Variants in VPS13A observed in about 807,000 individuals in gnomAD.
VPS13A encodes the protein intermembrane lipid transfer protein VPS13A.
Under a neutral mutation model 390.9 loss-of-function variants are expected in VPS13A, and 264 were observed. That is an observed-to-expected ratio of 0.68 (90% CI 0.61 to 0.75). The LOEUF (loss-of-function observed/expected upper bound fraction) is 0.75. VPS13A is among the 30% of genes least tolerant of loss of function. The pLI, the probability that VPS13A is intolerant of heterozygous loss-of-function variation, is 0.00. For missense variants in VPS13A, 3,409 were observed against 3,733.9 expected, an observed-to-expected ratio of 0.91 and a Z score of 2.27; for synonymous variants, 1,231 against 1,227.1, an observed-to-expected ratio of 1.00 and a Z score of -0.07.
chr9:77,227,419 A>G lies in VPS13A; in HGVS notation c.1386A>G (p.Glu462=), dbSNP rs1437513368. The change falls in exon 16 of 72, where the codon GAA becomes GAG. Residue 462 remains glutamate (E), a synonymous_variant. Coordinates refer to ENST00000360280, the MANE Select transcript of VPS13A (RefSeq NM_033305.3). ...TTGAAGAAATGTTGACACCTGAAGA[A>G]AAAGCTTTACTCTATGAAGCAATTG... ...ETLEEMLTPE[E]KALLYEAIGY... The G allele has an allele frequency of 1.9e-6, 3 of 1,613,516 alleles. No individual in the cohort carries two copies. Among genetic ancestry groups the G allele is most frequent in the Middle Eastern group, 1.6e-4 (1 of 6,076 alleles).
In VPS13A at chr9:77,182,542, T is replaced by G. The variant is rs564337406; in HGVS notation, c.100+4738T>G. The stretch of plus-strand genomic sequence containing the variant: ...TTTTAAACAAATGACACTGGGGACT[T>G]GATGCACAGTTGGGTACATTTTAAG... On this transcript the variant is annotated intron_variant, in intron 1 of 71. Coordinates refer to ENST00000360280, the MANE Select transcript of VPS13A (RefSeq NM_033305.3). Among the ~76,000 whole-genome samples the G allele has an allele frequency of 1.9e-3, 284 of 152,312 alleles. 1 individual carries two copies. Among genetic ancestry groups the G allele is most frequent in the African/African-American group, 6.7e-3 (277 of 41,578 alleles).
chr9:77,319,737 T>C, intron 42 of VPS13A, 64 bp downstream of exon 42: 1 of 955,950 alleles, frequency 1.0e-6, no homozygotes, highest in Non-Finnish European at 1.5e-6. Flanking sequence ...CTTTATTTTT[T>C]TAAGAACAGA....
chr9:77,306,830 C>T (rs1372254621), intron 34 of VPS13A, among the ~76,000 whole-genome samples: 1 of 152,026 alleles, frequency 6.6e-6, no homozygotes, highest in Non-Finnish European at 1.5e-5. Flanking sequence ...CAAAATTAAC[C>T]ATCACAGCTA....
chr9:77,202,307 A>G (rs939796797), intron 3 of VPS13A, among the ~76,000 whole-genome samples: 1 of 152,052 alleles, frequency 6.6e-6, no homozygotes, highest in Admixed American at 6.6e-5. Context: ...AATGTCACCC[A>G]TTTTTATCTA....
chr9:77,188,868 G>A (rs1824502463), intron 1 of VPS13A, among the ~76,000 whole-genome samples: 1 of 151,996 alleles, frequency 6.6e-6, no homozygotes, highest in Non-Finnish European at 1.5e-5. Context: ...CTAATGATTA[G>A]TGATGTTGAG....
At chr9:77,227,901 T>A (rs1329409708) in intron 16 of VPS13A, among the ~76,000 whole-genome samples, 1 of 151,014 alleles carries the variant, frequency 6.6e-6, no homozygotes, top group East Asian at 2.0e-4. Context: ...TGTTACTGAC[T>A]TGTTCTGTGA....
At chr9:77,291,579 G>A (rs960503422) in intron 31 of VPS13A, among the ~76,000 whole-genome samples, 1 of 152,094 alleles carries the variant, frequency 6.6e-6, no homozygotes, top group Non-Finnish European at 1.5e-5. Context: ...AGGGTGGCTG[G>A]AGGCTGTGTT....
intron 68 of VPS13A, among the ~76,000 whole-genome samples, chr9:77,387,945 T>G (rs1008963174): frequency 6.6e-6 from 1 of 152,212 alleles, no homozygotes; most frequent in Non-Finnish European, 1.5e-5. Context: ...TTGTCTGATT[T>G]AAGTCTTGTA....
At chr9:77,272,030 T>C (rs887319143) in intron 23 of VPS13A, among the ~76,000 whole-genome samples, 2 of 149,110 alleles carry the variant, frequency 1.3e-5, no homozygotes, top group Admixed American at 6.7e-5. Context: ...GTACTTCGTG[T>C]AGTAGATTAT....
chr9:77,178,621 C>G (rs909307906), intron 1 of VPS13A, among the ~76,000 whole-genome samples: 1 of 152,184 alleles, frequency 6.6e-6, no homozygotes. Context: ...CCTACGCTGC[C>G]TAGGTGGTGA....
chr9:77,383,316 G>A (rs1587700318), intron 68 of VPS13A, among the ~76,000 whole-genome samples: 1 of 151,942 alleles, frequency 6.6e-6, no homozygotes, highest in Non-Finnish European at 1.5e-5. Flanking sequence ...TGTATATTGG[G>A]ATAGAACTGG....
intron 55 of VPS13A, among the ~76,000 whole-genome samples, chr9:77,357,400 A>G (rs1232264905): frequency 6.7e-6 from 1 of 149,924 alleles, no homozygotes; most frequent in Non-Finnish European, 1.5e-5. Context: ...TTGGGTTAGC[A>G]GGAAACTTAA....
rs972283077 is a variant in VPS13A, at chr9:77,228,805, A to T, written c.1595+541A>T. Reference sequence around the variant, plus strand: ...TGGCTGGGGAGGCCTCAGAATTGTCAGGGGAGGCGAAAGGCACCTCTTCCC... The same window carrying T: ...TGGCTGGGGAGGCCTCAGAATTGTCTGGGGAGGCGAAAGGCACCTCTTCCC... On this transcript the variant is annotated intron_variant, in intron 17 of 71. Transcript: ENST00000360280. Among the ~76,000 whole-genome samples, 3 of 152,160 alleles carry T rather than the reference A, an allele frequency of 2.0e-5. No homozygotes were observed. In the South Asian group the frequency reaches 6.2e-4, roughly 32 times the overall value.
rs146035850 is a variant in VPS13A, at chr9:77,260,163, T to C, written c.2366T>C (p.Ile789Thr). 6 of 1,611,516 alleles carry C rather than the reference T, an allele frequency of 3.7e-6. No homozygotes were observed. Among genetic ancestry groups the C allele is most frequent in the Non-Finnish European group, 5.1e-6 (6 of 1,178,064 alleles). ...DKKLQGIMELIESIPKPEPVT... is the reference protein window; with the variant it reads ...DKKLQGIMELTESIPKPEPVT... ...AAACTACAAGGGATTATGGAATTGA[T>C]TGAAAGCATTCCAAAACCTGAACCA... The change falls in exon 23 of 72, where the codon ATT (isoleucine) becomes ACT (threonine). Residue 789 changes from isoleucine to threonine, a missense_variant. Ile to Thr is a moderately conservative substitution (Grantham distance 89). Coordinates refer to ENST00000360280, the MANE Select transcript of VPS13A (RefSeq NM_033305.3).
intron 29 of VPS13A, among the ~76,000 whole-genome samples, 191 bp from the exon 30 acceptor site, chr9:77,283,164 T>A (rs1042735377): frequency 1.3e-5 from 2 of 152,192 alleles, no homozygotes; most frequent in Non-Finnish European, 2.9e-5. Context: ...GCTTTTGTTT[T>A]TGTTAGATTT....
chr9:77,296,076 T>C (rs1353407893), intron 33 of VPS13A, among the ~76,000 whole-genome samples: 1 of 152,230 alleles, frequency 6.6e-6, no homozygotes, highest in Non-Finnish European at 1.5e-5. Flanking sequence ...AGGAAAACTA[T>C]AAAATTTATT....
chr9:77,317,735 C>T (rs1038606583), intron 40 of VPS13A, 37 bp downstream of exon 40: 3 of 1,480,018 alleles, frequency 2.0e-6, no homozygotes, highest in African/African-American at 2.8e-5. Context: ...ATTTAGTGCA[C>T]TTAAAAAAAG....
At position 77,369,423 on chromosome 9, in the gene VPS13A, T is replaced by G; in HGVS notation, c.8667+11T>G. 1 of 1,525,854 alleles carries G rather than the reference T, an allele frequency of 6.6e-7. No individual in the cohort carries two copies. The highest frequency in any genetic ancestry group is 9.1e-7 in the Non-Finnish European group (1 of 1,099,672). 94.5% of individuals were successfully genotyped at this position (1,525,854 alleles called of 1,614,324 possible). A position where few individuals can be genotyped will look rare whatever the true frequency, so the allele number is the denominator to read the frequency against. ...TATGAACCTTACCAGGTAAAATAGT[T>G]ATTTTTGTGGTTGTGCAATATGTCA... On this transcript the variant is annotated intron_variant, in intron 63 of 71. Transcript: ENST00000360280.
chr9:77,365,422 G>T, intron 59 of VPS13A, 38 bp from the exon 60 acceptor site: 1 of 1,327,374 alleles, frequency 7.5e-7, no homozygotes, highest in Non-Finnish European at 1.1e-6. Context: ...CATGCAGGTA[G>T]GTCCCTTTAG....
Sources: gnomAD v4.1 joint callset for allele counts (sites outside exome capture counted in the v4.1 genomes callset) on GRCh38, gnomAD v4.1.1 for gene constraint, MANE v1.5 for transcripts, NCBI Gene and HGNC (gene_info 2026-07-23, HGNC 2026-07-21) for gene names.